PLEKHH2: variants seen among roughly 807,000 people sequenced by gnomAD.
The protein encoded by PLEKHH2 is pleckstrin homology domain-containing family H member 2.
A neutral mutation model predicts 187.9 loss-of-function variants in PLEKHH2; 129 were observed. That is an observed-to-expected ratio of 0.69 (90% CI 0.59 to 0.79). The LOEUF (loss-of-function observed/expected upper bound fraction) is 0.79. Ranked by LOEUF, PLEKHH2 falls within the 30% of genes least tolerant of loss-of-function variation. The probability of loss-of-function intolerance (pLI) is 0.00; values close to 1 mark genes in which losing one functional copy is unlikely to be tolerated. For missense variants in PLEKHH2, 2,076 were observed against 1,751.2 expected, an observed-to-expected ratio of 1.19 and a Z score of -3.31; for synonymous variants, 686 against 605.6, an observed-to-expected ratio of 1.13 and a Z score of -1.95.
intron 27 of PLEKHH2, among the ~76,000 whole-genome samples, chr2:43,761,251 A>AT (rs1162338433): frequency 2.0e-5 from 3 of 151,964 alleles, no homozygotes; most frequent in East Asian, 3.8e-4. Flanking sequence ...AATAGTTAAG[A>AT]TTTTTTTTAG....
chr2:43,696,820 A>G (rs1419235286), intron 6 of PLEKHH2, among the ~76,000 whole-genome samples: 2 of 152,166 alleles, frequency 1.3e-5, no homozygotes, highest in Non-Finnish European at 2.9e-5. Flanking sequence ...CCAACGCTGA[A>G]CTGGTATTTG....
At chr2:43,708,452 G>C (rs72871621) in intron 11 of PLEKHH2, among the ~76,000 whole-genome samples, 1 of 152,098 alleles carries the variant, frequency 6.6e-6, no homozygotes, top group Non-Finnish European at 1.5e-5. Context: ...CTAGATGTCC[G>C]TATAGCTGAC....
At chr2:43,660,603 A>T (rs1372693833) in intron 2 of PLEKHH2, among the ~76,000 whole-genome samples, 1 of 138,546 alleles carries the variant, frequency 7.2e-6, no homozygotes, top group East Asian at 2.2e-4. Flanking sequence ...ATATCTCCCA[A>T]TGCCACCCCT....
chr2:43,721,629 A>G (rs1189754412), intron 16 of PLEKHH2, among the ~76,000 whole-genome samples: 1 of 152,144 alleles, frequency 6.6e-6, no homozygotes, highest in Non-Finnish European at 1.5e-5. Flanking sequence ...CATGCCTATA[A>G]TCCCAGCACT....
At chr2:43,644,914 C>A in intron 2 of PLEKHH2, 118 bp downstream of exon 2, 1 of 1,133,068 alleles carries the variant, frequency 8.8e-7, no homozygotes, top group Non-Finnish European at 1.2e-6. Flanking sequence ...GTATTTGAAG[C>A]TATATTTGGC....
intron 24 of PLEKHH2, among the ~76,000 whole-genome samples, chr2:43,746,693 C>T (rs917549315): frequency 6.6e-6 from 1 of 152,154 alleles, no homozygotes; most frequent in Non-Finnish European, 1.5e-5. Flanking sequence ...TACCCTACTA[C>T]AGATCTGTAG....
At position 43,678,258 on chromosome 2, in the gene PLEKHH2, C is replaced by T. The variant is rs540100507; in HGVS notation, c.124-605C>T. On this transcript the variant is annotated intron_variant, in intron 2 of 29. Transcript: ENST00000282406. ...GCCAGGCAGAGGGGCTCCTCACATC[C>T]CAGACCATGGGCGGCCAGGCAGAGA... 2.8e-4 allele frequency among the ~76,000 whole-genome samples: 42 copies of T among 149,232 alleles called. No individual in the cohort carries two copies. In the East Asian group the frequency reaches 7.3e-3, roughly 26 times the overall value.
intron 2 of PLEKHH2, among the ~76,000 whole-genome samples, chr2:43,677,899 C>T (rs1451190150): frequency 6.8e-6 from 1 of 147,302 alleles, no homozygotes. Flanking sequence ...CACCTCCCTC[C>T]AGGACGGGGC....
chr2:43,707,545 G>A lies in PLEKHH2; in HGVS notation c.1966G>A (p.Gly656Ser). The stretch of plus-strand genomic sequence containing the variant: ...AGGCAGCCCCAGAGCCATGAAACGA[G>A]GTGAGGGAAAATCGCAGGCATATGA... ...GPGSPRAMKR[G>S]VSLSSVASES... The change falls in exon 11 of 30, where the codon GGT becomes AGT. Residue 656 changes from glycine to serine, a missense_variant and splice_region_variant. Gly to Ser is a moderately conservative substitution (Grantham distance 56, BLOSUM62 0). Transcript: ENST00000282406. The A allele has an allele frequency of 6.2e-7, 1 of 1,613,636 alleles. No homozygotes were observed. Among genetic ancestry groups the A allele is most frequent in the Non-Finnish European group, 8.5e-7 (1 of 1,179,768 alleles).
At chr2:43,679,862 G>A (rs919949985) in intron 3 of PLEKHH2, among the ~76,000 whole-genome samples, 1 of 152,000 alleles carries the variant, frequency 6.6e-6, no homozygotes, top group African/African-American at 2.4e-5. Flanking sequence ...TGTAATGACA[G>A]GGTCTCACTA....
intron 2 of PLEKHH2, among the ~76,000 whole-genome samples, chr2:43,654,892 T>G (rs1316369348): frequency 6.6e-6 from 1 of 152,070 alleles, no homozygotes; most frequent in Non-Finnish European, 1.5e-5. Flanking sequence ...TTGGGCACAG[T>G]GGCACACGCC....
chr2:43,707,359 C>A (rs762553809), intron 10 of PLEKHH2, 42 bp from the exon 11 acceptor site: 1 of 1,611,470 alleles, frequency 6.2e-7, no homozygotes, highest in Non-Finnish European at 8.5e-7. Context: ...TGAGTGGTAA[C>A]ATTAGGGATG....
chr2:43,677,465 T>G (rs1178199245), intron 2 of PLEKHH2, among the ~76,000 whole-genome samples: 1 of 152,090 alleles, frequency 6.6e-6, no homozygotes, highest in Non-Finnish European at 1.5e-5. Context: ...CCTTAATCCA[T>G]TTAACCCTGA....
chr2:43,660,420 T>G (rs1667007379), intron 2 of PLEKHH2, among the ~76,000 whole-genome samples: 2 of 151,114 alleles, frequency 1.3e-5, no homozygotes, highest in Admixed American at 1.3e-4. Flanking sequence ...AGGTCTATGG[T>G]AAACATATGT....
At chr2:43,757,361 A>G in intron 26 of PLEKHH2, 97 bp downstream of exon 26, 1 of 977,700 alleles carries the variant, frequency 1.0e-6, no homozygotes, top group East Asian at 2.9e-5. Flanking sequence ...ACATTTGGAC[A>G]GCTTTCTCAA....
chr2:43,702,488 G>A (rs552867810), intron 8 of PLEKHH2, among the ~76,000 whole-genome samples: 10 of 134,100 alleles, frequency 7.5e-5, no homozygotes, highest in South Asian at 4.8e-4. Context: ...ATTTAGGTTA[G>A]GCTTTTAAGT....
chr2:43,725,555 C>G (rs1205552358), intron 16 of PLEKHH2, among the ~76,000 whole-genome samples: 1 of 152,118 alleles, frequency 6.6e-6, no homozygotes, highest in South Asian at 2.1e-4. Flanking sequence ...CTTTGAGCTG[C>G]GTTTTTAAAA....
At chr2:43,684,709 A>T (rs1435861873) in intron 3 of PLEKHH2, among the ~76,000 whole-genome samples, 1 of 151,786 alleles carries the variant, frequency 6.6e-6, no homozygotes, top group Non-Finnish European at 1.5e-5. Context: ...TCTCCTTTGA[A>T]GTTGTTCTTT....
At chr2:43,743,246 G>C (rs540842164) in intron 22 of PLEKHH2, among the ~76,000 whole-genome samples, 1 of 152,072 alleles carries the variant, frequency 6.6e-6, no homozygotes, top group Admixed American at 6.6e-5. Flanking sequence ...TACTGGGTGT[G>C]TACAATTTTA....
Sources: allele counts gnomAD v4.1 joint callset (sites outside exome capture counted in the v4.1 genomes callset), GRCh38; gene constraint gnomAD v4.1.1; transcripts MANE v1.5; gene names NCBI Gene and HGNC (gene_info 2026-07-23, HGNC 2026-07-21).